Variants in NAV3 observed in about 807,000 individuals in gnomAD.
The protein encoded by NAV3 is pore membrane and/or filament interacting like protein 1.
Under a neutral mutation model 244.7 loss-of-function variants are expected in NAV3, and 87 were observed. That is an observed-to-expected ratio of 0.36 (90% CI 0.30 to 0.42). The LOEUF is 0.42. Among genes scored for constraint, NAV3 ranks in the 20% least tolerant of loss-of-function variants. The probability of loss-of-function intolerance (pLI) is 1.00; values close to 1 mark genes in which losing one functional copy is unlikely to be tolerated. For synonymous variants in NAV3, 1,126 were observed against 1,042.2 expected (o/e 1.08, Z -1.55); for missense variants, 2,663 against 2,893.3 (o/e 0.92, Z 1.83).
chr12:77,720,294 C>T (rs1162226678), intron 2 of NAV3, among the ~76,000 whole-genome samples: 1 of 152,124 alleles, frequency 6.6e-6, no homozygotes, highest in Non-Finnish European at 1.5e-5. Flanking sequence ...AAAACAGTCA[C>T]TTTTCCCAGG....
At chr12:77,688,719 A>G (rs1027114546) in intron 2 of NAV3, among the ~76,000 whole-genome samples, 1 of 151,924 alleles carries the variant, frequency 6.6e-6, no homozygotes, top group Admixed American at 6.6e-5. Context: ...AATAGTGTAA[A>G]TGAGAGTTAG....
intron 2 of NAV3, among the ~76,000 whole-genome samples, chr12:77,653,883 A>C (rs1054122730): frequency 1.3e-5 from 2 of 152,122 alleles, no homozygotes; most frequent in Non-Finnish European, 2.9e-5. Context: ...TATATGTGGG[A>C]CAAGTAATGA....
chr12:78,114,103 A>C (rs1955244654), intron 12 of NAV3, among the ~76,000 whole-genome samples: 2 of 152,234 alleles, frequency 1.3e-5, no homozygotes, highest in South Asian at 4.1e-4. Flanking sequence ...CCTTTGCTCC[A>C]GTTCCCAACA....
At chr12:77,997,306 T>C (rs1042079260) in intron 6 of NAV3, among the ~76,000 whole-genome samples, 1 of 151,284 alleles carries the variant, frequency 6.6e-6, no homozygotes, top group African/African-American at 2.4e-5. Context: ...AATTTATAGA[T>C]TAAATATACC....
chr12:77,969,169 T>TGC (rs754448156), intron 5 of NAV3, among the ~76,000 whole-genome samples: 43 of 145,888 alleles, frequency 2.9e-4, no homozygotes, highest in Non-Finnish European at 6.4e-4. Flanking sequence ...TGTGTGTGTG[T>TGC]GCATGAGTGT....
chr12:77,647,684 C>G (rs547901202), intron 2 of NAV3, among the ~76,000 whole-genome samples: 3 of 152,180 alleles, frequency 2.0e-5, no homozygotes, highest in African/African-American at 7.2e-5. Flanking sequence ...ACAGTTAGTA[C>G]TGTTGTTATG....
chr12:77,602,445 G>T (rs186505158), intron 2 of NAV3, among the ~76,000 whole-genome samples: 332 of 152,032 alleles, frequency 2.2e-3, no homozygotes, highest in Non-Finnish European at 3.0e-3. Flanking sequence ...ATGTCCAATA[G>T]GTTGTTTGAA....
chr12:77,574,333 C>T (rs1312043061), intron 2 of NAV3, among the ~76,000 whole-genome samples: 1 of 152,064 alleles, frequency 6.6e-6, no homozygotes, highest in Non-Finnish European at 1.5e-5. Flanking sequence ...ATTTTTGAAT[C>T]TGAAATGTCA....
chr12:77,617,426 G>T (rs1871184249), intron 2 of NAV3, among the ~76,000 whole-genome samples: 1 of 152,196 alleles, frequency 6.6e-6, no homozygotes, highest in African/African-American at 2.4e-5. Context: ...GTCCTGGGGA[G>T]ATTCCTGCTG....
At chr12:77,723,790 T>C (rs988229454) in intron 2 of NAV3, among the ~76,000 whole-genome samples, 1 of 143,690 alleles carries the variant, frequency 7.0e-6, no homozygotes, top group African/African-American at 2.6e-5. Context: ...CATATATCTC[T>C]ATTATAATAG....
chr12:77,831,505 T>C lies in NAV3; in HGVS notation c.44T>C (p.Val15Ala), dbSNP rs2136074971. Residue 15 changes from valine to alanine, a missense_variant, in exon 1 of 40, where the codon GTT (valine) becomes GCT (alanine). This residue lies in a region of NAV3 where 1,521 missense variants were observed against 1,497.0 expected (regional missense o/e 1.02). Coordinates refer to ENST00000397909, the MANE Select transcript of NAV3 (RefSeq NM_001024383.2). ...GCCTCAAAACTGAGGCAGCCAGCTG[T>C]TGGGTCAAAGCCTGTGCATACTGCT... ...GVASKLRQPA[V>A]GSKPVHTALP... 6.2e-7 allele frequency: 1 copy of C among 1,612,266 alleles called. No individual in the cohort carries two copies. Among genetic ancestry groups the C allele is most frequent in the Non-Finnish European group, 8.5e-7 (1 of 1,179,488 alleles).
At chr12:77,749,364 G>C (rs1868723920) in intron 2 of NAV3, among the ~76,000 whole-genome samples, 1 of 152,032 alleles carries the variant, frequency 6.6e-6, no homozygotes. Context: ...TTAACATTTA[G>C]AACAATTTAA....
chr12:78,101,820 C>T (rs930173788), intron 12 of NAV3, among the ~76,000 whole-genome samples: 59 of 152,062 alleles, frequency 3.9e-4, no homozygotes, highest in African/African-American at 1.4e-3. Flanking sequence ...ATTGACTTAA[C>T]ATTTTGATAC....
chr12:77,574,462 GT>G (rs1288105700), intron 2 of NAV3, among the ~76,000 whole-genome samples: 13 of 152,264 alleles, frequency 8.5e-5, no homozygotes, highest in Admixed American at 6.5e-4. Flanking sequence ...CTGCCACCAA[GT>G]AATCGCTAAT....
At chr12:77,795,436 C>T (rs1157693482) in intron 2 of NAV3, among the ~76,000 whole-genome samples, 2 of 151,984 alleles carry the variant, frequency 1.3e-5, no homozygotes, top group South Asian at 4.1e-4. Context: ...AAGCAGCAAG[C>T]GATGATGTGC....
At chr12:78,069,959 C>CAGTT (rs1179054494) in intron 12 of NAV3, among the ~76,000 whole-genome samples, 1 of 151,988 alleles carries the variant, frequency 6.6e-6, no homozygotes, top group African/African-American at 2.4e-5. Flanking sequence ...AATATTTTGT[C>CAGTT]AGTTAGGTTT....
chr12:77,663,211 A>T (rs767144869), intron 2 of NAV3, among the ~76,000 whole-genome samples: 10 of 152,214 alleles, frequency 6.6e-5, no homozygotes, highest in Non-Finnish European at 1.0e-4. Context: ...AAGATTTTTA[A>T]CTACATAAAA....
chr12:77,952,898 CTT>C (rs1891034178), intron 3 of NAV3, among the ~76,000 whole-genome samples: 1 of 151,942 alleles, frequency 6.6e-6, no homozygotes, highest in Admixed American at 6.6e-5. Context: ...TTATATGTAA[CTT>C]GAGCTCTTTA....
intron 5 of NAV3, among the ~76,000 whole-genome samples, chr12:77,971,891 G>T (rs939461520): frequency 3.3e-5 from 5 of 151,990 alleles, no homozygotes; most frequent in Admixed American, 1.3e-4. Context: ...AAGTAAATTG[G>T]CATAATTCTA....
Sources: allele counts gnomAD v4.1 joint callset (sites outside exome capture counted in the v4.1 genomes callset), GRCh38; gene constraint gnomAD v4.1.1; regional missense constraint gnomAD v4.1.1; transcripts MANE v1.5; gene names NCBI Gene and HGNC (gene_info 2026-07-23, HGNC 2026-07-21).